DSC1: variants seen among roughly 807,000 people sequenced by gnomAD.
DSC1 encodes desmocollin-1.
A neutral mutation model predicts 98.8 loss-of-function variants in DSC1; 79 were observed. The ratio of observed to expected loss-of-function variants is 0.80; its 90% CI spans 0.67 to 0.96. The LOEUF is 0.96. Ranked by LOEUF, DSC1 falls within the 50% of genes least tolerant of loss-of-function variation. The pLI is 0.00. For synonymous variants in DSC1, 405 were observed against 372.1 expected (o/e 1.09, Z -1.02); for missense variants, 1,115 against 1,075.9 (o/e 1.04, Z -0.51).
At chr18:31,145,574 T>C (rs1988829115) in intron 7 of DSC1, 37 bp downstream of exon 7, 3 of 1,608,184 alleles carry the variant, frequency 1.9e-6, no homozygotes, top group Non-Finnish European at 2.6e-6. Context: ...AGTTTAAATG[T>C]AGTTCAATGA....
intron 14 of DSC1, 67 bp from the exon 15 acceptor site, chr18:31,131,909 T>C (rs575720757): frequency 1.3e-6 from 2 of 1,567,488 alleles, no homozygotes; most frequent in Admixed American, 1.8e-5. Context: ...TTTTCATTTT[T>C]TTTCACCATA....
At chr18:31,147,857 A>AT (rs991886450) in intron 6 of DSC1, among the ~76,000 whole-genome samples, 1 of 152,152 alleles carries the variant, frequency 6.6e-6, no homozygotes, top group Non-Finnish European at 1.5e-5. Flanking sequence ...TGTATGTTTG[A>AT]TTACATCACT....
intron 9 of DSC1, among the ~76,000 whole-genome samples, 161 bp downstream of exon 9, chr18:31,141,838 A>C (rs964724307): frequency 1.3e-5 from 2 of 152,208 alleles, no homozygotes; most frequent in Non-Finnish European, 2.9e-5. Flanking sequence ...AGAGAAAATT[A>C]GGGTAAGAGA....
At chr18:31,140,374 A>G in intron 9 of DSC1, 73 bp from the exon 10 acceptor site, 1 of 1,419,780 alleles carries the variant, frequency 7.0e-7, no homozygotes. Flanking sequence ...AAATTTTCCT[A>G]CAAAGGAATA....
intron 9 of DSC1, among the ~76,000 whole-genome samples, chr18:31,141,596 A>G (rs1271989171): frequency 6.6e-6 from 1 of 152,202 alleles, no homozygotes; most frequent in South Asian, 2.1e-4. Flanking sequence ...ATAGAGAGGT[A>G]AAAATAAAAT....
intron 12 of DSC1, 69 bp from the exon 13 acceptor site, chr18:31,134,199 T>C: frequency 6.6e-7 from 1 of 1,525,600 alleles, no homozygotes; most frequent in Non-Finnish European, 8.8e-7. Flanking sequence ...CTACTCAATA[T>C]TCTCAGTGGA....
At chr18:31,158,505 G>A (rs185549838) in intron 2 of DSC1, among the ~76,000 whole-genome samples, 8 of 145,952 alleles carry the variant, frequency 5.5e-5, no homozygotes, top group Admixed American at 3.6e-4. Flanking sequence ...ACAACATCTG[G>A]CTTGGAAAGG....
At chr18:31,142,678 T>G (rs1024992174) in intron 8 of DSC1, among the ~76,000 whole-genome samples, 1 of 152,140 alleles carries the variant, frequency 6.6e-6, no homozygotes, top group Non-Finnish European at 1.5e-5. Context: ...TTTTCCTTTT[T>G]TTTTGAGACA....
At chr18:31,141,491 A>T (rs905148709) in intron 9 of DSC1, among the ~76,000 whole-genome samples, 41 of 152,196 alleles carry the variant, frequency 2.7e-4, no homozygotes, top group Admixed American at 1.8e-3. Context: ...AATTAAATTT[A>T]AAAAATCCAA....
At chr18:31,140,333 A>C in intron 9 of DSC1, 32 bp from the exon 10 acceptor site, 1 of 1,575,142 alleles carries the variant, frequency 6.3e-7, no homozygotes, top group Non-Finnish European at 8.6e-7. Context: ...ATAAGTCAAT[A>C]TATAACATTA....
intron 7 of DSC1, among the ~76,000 whole-genome samples, chr18:31,144,728 C>T (rs981119569): frequency 3.9e-5 from 6 of 152,200 alleles, no homozygotes; most frequent in Admixed American, 2.0e-4. Flanking sequence ...CACATTCGTT[C>T]AAACTCATAG....
intron 11 of DSC1, among the ~76,000 whole-genome samples, chr18:31,135,174 T>C (rs1988583881): frequency 1.3e-5 from 2 of 152,162 alleles, no homozygotes. Context: ...ATCATATACT[T>C]TTTTCCCAAA....
rs375988840 is a variant in DSC1 at position 31,142,191 on chromosome 18, G to T, written c.1075-7C>A. The T allele has an allele frequency of 2.1e-5, 33 of 1,601,294 alleles. No individual in the cohort carries two copies. The highest frequency in any genetic ancestry group is 2.7e-5 in the Non-Finnish European group (32 of 1,177,108). On this transcript the variant is annotated splice_polypyrimidine_tract_variant and splice_region_variant and intron_variant, in intron 8 of 15. Transcript: ENST00000257198. ...CTTCTACTTCTGTAACATACTGAAA[G>T]AATTGCCCCTTATTATTATCAATTT...
At chr18:31,153,200 T>C (rs983974273) in intron 5 of DSC1, among the ~76,000 whole-genome samples, 4 of 152,058 alleles carry the variant, frequency 2.6e-5, no homozygotes, top group African/African-American at 4.8e-5. Flanking sequence ...CAGAACCCTA[T>C]CAAACAATTC....
chr18:31,146,601 C>A (rs1274819487), intron 6 of DSC1, among the ~76,000 whole-genome samples: 1 of 152,110 alleles, frequency 6.6e-6, no homozygotes, highest in Non-Finnish European at 1.5e-5. Context: ...GGGTATATAC[C>A]TAGTAATGGC....
At chr18:31,143,390 AT>A (rs776609369) in intron 8 of DSC1, among the ~76,000 whole-genome samples, 32,478 of 147,964 alleles carry the variant, frequency 0.22, 4,385 homozygotes, top group East Asian at 0.52. Flanking sequence ...ATAAAATAAA[AT>A]AAAATAAAAG....
chr18:31,133,864 CTAGA>C, intron 13 of DSC1, 23 bp downstream of exon 13: 1 of 1,568,796 alleles, frequency 6.4e-7, no homozygotes, highest in Non-Finnish European at 8.7e-7. Context: ...CTAACACATT[CTAGA>C]TAATGATACT....
intron 1 of DSC1, 144 bp from the exon 2 acceptor site, chr18:31,159,673 A>T (rs1989175387): frequency 2.6e-6 from 2 of 781,460 alleles, no homozygotes; most frequent in South Asian, 3.8e-5. Flanking sequence ...TACTCACTTT[A>T]AAAGGAACCA....
intron 7 of DSC1, among the ~76,000 whole-genome samples, chr18:31,145,222 G>A (rs1475640993): frequency 6.6e-6 from 1 of 152,076 alleles, no homozygotes; most frequent in Admixed American, 6.5e-5. Context: ...GATTACAGGC[G>A]TGAGCCACCG....
Sources: allele counts gnomAD v4.1 joint callset (sites outside exome capture counted in the v4.1 genomes callset), GRCh38; gene constraint gnomAD v4.1.1; transcripts MANE v1.5; gene names NCBI Gene and HGNC (gene_info 2026-07-23, HGNC 2026-07-21).